The following SHISA7 variants were observed in gnomAD, a reference collection of about 807,000 sequenced individuals.
SHISA7 encodes protein shisa-7.
In SHISA7, 6 loss-of-function variants were observed where a neutral mutation model predicts 23.9. The observed-to-expected ratio is 0.25, with a 90% confidence interval of 0.14 to 0.50. The LOEUF (loss-of-function observed/expected upper bound fraction) is 0.50, where lower values mean the gene tolerates loss of function less well. SHISA7 is among the 20% of genes least tolerant of loss of function. The probability of loss-of-function intolerance (pLI) is 0.98; values close to 1 mark genes in which losing one functional copy is unlikely to be tolerated. For synonymous variants in SHISA7, 386 were observed against 398.3 expected (o/e 0.97, Z 0.37); for missense variants, 671 against 801.1 (o/e 0.84, Z 1.96).
At chr19:55,438,917 C>T (rs377723858) in intron 2 of SHISA7, among the ~76,000 whole-genome samples, 7 of 152,034 alleles carry the variant, frequency 4.6e-5, no homozygotes, top group East Asian at 1.9e-4. Context: ...GGTCGCCTTG[C>T]TACCTCCCTC....
In SHISA7 at chr19:55,433,863, C is replaced by T; in HGVS notation, c.977-67G>A. ...CGCATCTAGAGCCCTCCCCCTCCCA[C>T]CTCGTCACATCCCGCTCCTATGCTC... On this transcript the variant is annotated intron_variant, in intron 3 of 3. Coordinates refer to ENST00000376325, the MANE Select transcript of SHISA7 (RefSeq NM_001145176.2). This position sits in a 1 kb window ranked among gnomAD's most constrained non-coding sequence, Gnocchi z 8.4. The T allele has an allele frequency of 7.5e-7, 1 of 1,341,372 alleles. No homozygotes were observed. The highest frequency in any genetic ancestry group is 1.8e-5 in the South Asian group (1 of 55,770). 83.1% of individuals were successfully genotyped at this position (1,341,372 alleles called of 1,614,324 possible). A position where few individuals can be genotyped will look rare whatever the true frequency, so the allele number is the denominator to read the frequency against.
intron 2 of SHISA7, among the ~76,000 whole-genome samples, chr19:55,438,997 C>T (rs1445672994): frequency 6.6e-6 from 1 of 152,170 alleles, no homozygotes. Flanking sequence ...CCTCTCCCTC[C>T]TGGATCACCA....
chr19:55,434,006 C>T (rs73932636), intron 3 of SHISA7, among the ~76,000 whole-genome samples: 1 of 151,636 alleles, frequency 6.6e-6, no homozygotes, highest in South Asian at 2.1e-4. Flanking sequence ...TTCTTCCCCC[C>T]CGCGCCGCCT....
intron 3 of SHISA7, among the ~76,000 whole-genome samples, chr19:55,435,514 G>T (rs1048501371): frequency 2.0e-4 from 30 of 148,864 alleles, no homozygotes; most frequent in Non-Finnish European, 4.0e-4. Flanking sequence ...AGCACTTTGG[G>T]TGATTGAACA....
intron 2 of SHISA7, among the ~76,000 whole-genome samples, 182 bp downstream of exon 2, chr19:55,440,429 C>T (rs1244498835): frequency 6.6e-6 from 1 of 152,258 alleles, no homozygotes; most frequent in African/African-American, 2.4e-5. Flanking sequence ...GGGTCTGGCT[C>T]TCTACGGAGT....
At chr19:55,436,371 G>T (rs1985459456) in intron 3 of SHISA7, among the ~76,000 whole-genome samples, 1 of 151,552 alleles carries the variant, frequency 6.6e-6, no homozygotes, top group African/African-American at 2.4e-5. Flanking sequence ...TTGGGAGGCC[G>T]ATGTGGGTGG....
rs1985255840 is a variant in SHISA7 at position 55,433,280 on chromosome 19, C to A, written c.1493G>T (p.Gly498Val). The A allele has an allele frequency of 6.6e-7, 1 of 1,507,310 alleles. No individual in the cohort carries two copies. Among genetic ancestry groups the A allele is most frequent in the Non-Finnish European group, 8.8e-7 (1 of 1,135,306 alleles). 93.4% of individuals were successfully genotyped at this position (1,507,310 alleles called of 1,614,324 possible). The change falls in exon 4 of 4, where the codon GGG becomes GTG. Residue 498 changes from glycine (G) to valine (V), a missense_variant. Coordinates refer to ENST00000376325, the MANE Select transcript of SHISA7 (RefSeq NM_001145176.2). This position sits in a 1 kb window ranked among gnomAD's most constrained non-coding sequence, Gnocchi z 8.4. ...GGGCGGCCTGCGGGCCAGTGTGCCC[C>A]CGCCCCCGCCGGCGTCGGACATCCA... is the stretch of plus-strand genomic sequence containing the variant. ...PAWMSDAGGGGGTLARRPPFQ... is the reference protein window; with the variant it reads ...PAWMSDAGGGVGTLARRPPFQ...
chr19:55,438,030 G>T (rs1354438704), intron 2 of SHISA7, among the ~76,000 whole-genome samples: 1 of 132,712 alleles, frequency 7.5e-6, no homozygotes, highest in Non-Finnish European at 1.6e-5. Flanking sequence ...AGACCCAGGC[G>T]TCCAGGCCCC....
At position 55,432,928 on chromosome 19, in the gene SHISA7, G is replaced by A. The variant is rs960876902; in HGVS notation, c.*228C>T. 13 of 550,870 alleles carry A rather than the reference G, an allele frequency of 2.4e-5. No homozygotes were observed. Among genetic ancestry groups the A allele is most frequent in the Non-Finnish European group, 2.5e-5 (8 of 324,552 alleles). 34.1% of individuals were successfully genotyped at this position (550,870 alleles called of 1,614,324 possible). A position where few individuals can be genotyped will look rare whatever the true frequency, so the allele number is the denominator to read the frequency against. ...ATTTTTGCTAGTGATGACCTCATGA[G>A]CCGGCCTCTTCCTCTGGGATGACAT... On this transcript the variant is annotated 3_prime_UTR_variant, in exon 4 of 4. Coordinates refer to ENST00000376325, the MANE Select transcript of SHISA7 (RefSeq NM_001145176.2). The surrounding 1 kb of genome is among the most constrained non-coding windows in gnomAD (Gnocchi z 4.6).
At chr19:55,434,874 GGT>G (rs1283608105) in intron 3 of SHISA7, among the ~76,000 whole-genome samples, 10 of 96,266 alleles carry the variant, frequency 1.0e-4, no homozygotes, top group African/African-American at 1.9e-4. Context: ...TGGTGTGTGT[GGT>G]GTGTGTGTAT....
At chr19:55,435,222 GTGTA>G (rs1179588097) in intron 3 of SHISA7, among the ~76,000 whole-genome samples, 2 of 93,464 alleles carry the variant, frequency 2.1e-5, no homozygotes, top group African/African-American at 4.6e-5. Flanking sequence ...TATGGTGTGT[GTGTA>G]TGTGTGTGTG....
Position 55,433,461 on chromosome 19 carries a change from G to A in SHISA7, c.1312C>T (p.Pro438Ser), listed in dbSNP as rs1243287569. 9 of 1,364,168 alleles carry A rather than the reference G, an allele frequency of 6.6e-6. No homozygotes were observed. The Admixed American group carries it at 1.5e-4, about 23-fold the overall frequency. The allele number at this position is 1,364,168 out of a possible 1,614,324, so 84.5% of individuals were successfully genotyped here. A position where few individuals can be genotyped will look rare whatever the true frequency, so the allele number is the denominator to read the frequency against. The change falls in exon 4 of 4, where the codon CCC (proline) becomes TCC (serine). Residue 438 changes from proline to serine, a missense_variant. Physicochemically the swap from Pro to Ser is moderately conservative, Grantham distance 74. Transcript: ENST00000376325. The surrounding 1 kb of genome is among the most constrained non-coding windows in gnomAD (Gnocchi z 8.4). ...LLSPPRSPAL[P>S]PDPTARASLA... ...CTGGCCCGGGCGGTGGGGTCGGGGGGCAGCGCGGGGCTGCGCGGGGGCGAC... is the reference window on the plus strand; with the variant it reads ...CTGGCCCGGGCGGTGGGGTCGGGGGACAGCGCGGGGCTGCGCGGGGGCGAC...
Position 55,433,457 on chromosome 19 carries a change from G to A in SHISA7, c.1316C>T (p.Pro439Leu). ...CAGGCTGGCCCGGGCGGTGGGGTCG[G>A]GGGGCAGCGCGGGGCTGCGCGGGGG... ...LSPPRSPALP[P>L]DPTARASLAA... The change falls in exon 4 of 4, where the codon CCC becomes CTC. Residue 439 changes from proline to leucine, a missense_variant. Physicochemically the swap from Pro to Leu is moderately conservative, Grantham distance 98. Coordinates refer to ENST00000376325, the MANE Select transcript of SHISA7 (RefSeq NM_001145176.2). This position sits in a 1 kb window ranked among gnomAD's most constrained non-coding sequence, Gnocchi z 8.4. 2 of 1,360,948 alleles carry A rather than the reference G, an allele frequency of 1.5e-6. No individual in the cohort carries two copies. Among genetic ancestry groups the A allele is most frequent in the Non-Finnish European group, 1.9e-6 (2 of 1,064,396 alleles). 84.3% of individuals were successfully genotyped at this position (1,360,948 alleles called of 1,614,324 possible).
Sources: gnomAD v4.1 joint callset for allele counts (sites outside exome capture counted in the v4.1 genomes callset) on GRCh38, gnomAD v4.1.1 for gene constraint, Gnocchi (gnomAD v3.1) non-coding constraint, MANE v1.5 for transcripts, NCBI Gene and HGNC (gene_info 2026-07-23, HGNC 2026-07-21) for gene names.